TRIP6: variants seen among roughly 807,000 people sequenced by gnomAD.
TRIP6 encodes thyroid receptor-interacting protein 6.
In TRIP6, 33 loss-of-function variants were observed where a neutral mutation model predicts 51.9. The ratio of observed to expected loss-of-function variants is 0.64; its 90% CI spans 0.48 to 0.85. The LOEUF (loss-of-function observed/expected upper bound fraction) is 0.85, where lower values mean the gene tolerates loss of function less well. Among genes scored for constraint, TRIP6 ranks in the 40% least tolerant of loss-of-function variants. The pLI is 0.00. For missense variants in TRIP6, 661 were observed against 652.1 expected, an observed-to-expected ratio of 1.01 and a Z score of -0.15; for synonymous variants, 255 against 275.8, an observed-to-expected ratio of 0.92 and a Z score of 0.75.
Position 100,867,969 on chromosome 7 carries a change from G to C in TRIP6, c.218G>C (p.Gly73Ala). ...GGGCCGGCGTGGGTGGGGTCCCATG[G>C]AGTACTCCAGCACACGCAGGTGAGA... is the stretch of plus-strand genomic sequence containing the variant. ...DRGPAWVGSH[G>A]VLQHTQGLPA... Residue 73 changes from glycine (G) to alanine (A), a missense_variant, in exon 2 of 9, where the codon GGA (glycine) becomes GCA (alanine). Physicochemically the swap from Gly to Ala is moderately conservative, Grantham distance 60 (BLOSUM62 0). Coordinates refer to ENST00000200457, the MANE Select transcript of TRIP6 (RefSeq NM_003302.3). The surrounding 1 kb of genome is among the most constrained non-coding windows in gnomAD (Gnocchi z 5.4). The C allele has an allele frequency of 6.6e-7, 1 of 1,515,100 alleles. No homozygotes were observed. The highest frequency in any genetic ancestry group is 8.8e-7 in the Non-Finnish European group (1 of 1,134,570). The allele number at this position is 1,515,100 out of a possible 1,614,324, so 93.9% of individuals were successfully genotyped here.
chr7:100,868,604 C>A lies in TRIP6; in HGVS notation c.473C>A (p.Thr158Asn). The A allele has an allele frequency of 6.2e-7, 1 of 1,612,962 alleles. No homozygotes were observed. Among genetic ancestry groups the A allele is most frequent in the Non-Finnish European group, 8.5e-7 (1 of 1,179,976 alleles). Residue 158 changes from threonine (T) to asparagine (N), a missense_variant, in exon 4 of 9, where the codon ACT becomes AAT. Coordinates refer to ENST00000200457, the MANE Select transcript of TRIP6 (RefSeq NM_003302.3). ...GGGGGCCCCACTCCAGCCTCTTACA[C>A]TACCGCCAGCACCCCGGCTGGCCCA... Reference protein sequence around the residue: ...PYGGPTPASYTTASTPAGPAF... With the variant: ...PYGGPTPASYNTASTPAGPAF...
intron 8 of TRIP6, 82 bp downstream of exon 8, chr7:100,872,826 G>A: frequency 6.5e-7 from 1 of 1,549,730 alleles, no homozygotes; most frequent in Non-Finnish European, 8.7e-7. Flanking sequence ...AGAGGTCTGG[G>A]GTTGATGGAA....
intron 6 of TRIP6, chr7:100,871,288 G>A: frequency 8.8e-6 from 5 of 565,284 alleles, no homozygotes; most frequent in African/African-American, 5.6e-5. Flanking sequence ...GCCCACTCTG[G>A]CCTCCCAAAG....
rs200347062 is a variant in TRIP6, at chr7:100,868,774, A to C, written c.643A>C (p.Ser215Arg). Residue 215 changes from serine to arginine, a missense_variant, in exon 4 of 9, where the codon AGC becomes CGC. Coordinates refer to ENST00000200457, the MANE Select transcript of TRIP6 (RefSeq NM_003302.3). ...TGAAGTCTGGGGGCCTGGCTATAGG[A>C]GCCAGAGAGAGCCAGGGCCAGGGGC... ...RGEVWGPGYR[S>R]QREPGPGAKE... 1,656 of 1,530,568 alleles carry C rather than the reference A, an allele frequency of 1.1e-3. 17 individuals are homozygous for C. The African/African-American group carries it at 0.022, about 20-fold the overall frequency. 94.8% of individuals were successfully genotyped at this position (1,530,568 alleles called of 1,614,324 possible).
Position 100,872,724 on chromosome 7 carries a change from A to G in TRIP6, c.1279A>G (p.Ile427Val). 6.2e-7 allele frequency: 1 copy of G among 1,614,022 alleles called. No homozygotes were observed. The highest frequency in any genetic ancestry group is 8.5e-7 in the Non-Finnish European group (1 of 1,179,966). The change falls in exon 8 of 9, where the codon ATT (isoleucine) becomes GTT (valine). Residue 427 changes from isoleucine to valine, a missense_variant. Coordinates refer to ENST00000200457, the MANE Select transcript of TRIP6 (RefSeq NM_003302.3). ...TGTTGCTCTGGATCGAAGTTTTCAC[A>G]TTGGCTGTTACAAGTGCGAGGTCAG... ...RIVALDRSFHIGCYKCEECGL... is the reference protein window; with the variant it reads ...RIVALDRSFHVGCYKCEECGL...
At position 100,868,164 on chromosome 7, in the gene TRIP6, C is replaced by T. The variant is rs371528403; in HGVS notation, c.294C>T (p.Asp98=). Reference sequence around the variant, plus strand: ...CTGGAAGCCTGGACGCCGAGATAGACTTGCTGAGCAGCACGCTGGCCGAGC... The same window carrying T: ...CTGGAAGCCTGGACGCCGAGATAGATTTGCTGAGCAGCACGCTGGCCGAGC... The part of the protein sequence containing the change: ...LRPGSLDAEI[D]LLSSTLAELN... Residue 98 remains aspartate (D), a synonymous_variant, in exon 3 of 9, where the codon GAC becomes GAT. Coordinates refer to ENST00000200457, the MANE Select transcript of TRIP6 (RefSeq NM_003302.3). The T allele has an allele frequency of 6.2e-7, 1 of 1,611,296 alleles. No individual in the cohort carries two copies. The highest frequency in any genetic ancestry group is 8.5e-7 in the Non-Finnish European group (1 of 1,179,066).
Position 100,870,376 on chromosome 7 carries a change from C to G in TRIP6, c.742C>G (p.Leu248Val). Reference protein sequence around the residue: ...RGGEHGPQVPLSQPPEDELDR... With the variant: ...RGGEHGPQVPVSQPPEDELDR... ...CCCGATTCCCACCTTCCAGGTGCCC[C>G]TGAGCCAGCCTCCAGAGGATGAGCT... The change falls in exon 5 of 9, where the codon CTG (leucine) becomes GTG (valine). Residue 248 changes from leucine (L) to valine (V), a missense_variant. By Grantham distance (32) the Leu-to-Val change is conservative (BLOSUM62 1). Coordinates refer to ENST00000200457, the MANE Select transcript of TRIP6 (RefSeq NM_003302.3). 1 of 1,612,068 alleles carries G rather than the reference C, an allele frequency of 6.2e-7. No individual in the cohort carries two copies. Among genetic ancestry groups the G allele is most frequent in the Non-Finnish European group, 8.5e-7 (1 of 1,179,908 alleles).
intron 8 of TRIP6, chr7:100,872,971 C>T (rs1815304577): frequency 1.8e-6 from 2 of 1,082,476 alleles, no homozygotes; most frequent in African/African-American, 1.6e-5. Context: ...CTGCCTCAGC[C>T]TCCTGAGTAG....
chr7:100,870,118 AAC>A (rs1488359736), intron 4 of TRIP6, among the ~76,000 whole-genome samples: 2 of 152,166 alleles, frequency 1.3e-5, no homozygotes, highest in African/African-American at 4.8e-5. Flanking sequence ...ACATCCTTCG[AAC>A]ACACAGTTCA....
chr7:100,871,367 C>T (rs532299885), intron 6 of TRIP6, among the ~76,000 whole-genome samples, 176 bp from the exon 7 acceptor site: 2 of 152,110 alleles, frequency 1.3e-5, no homozygotes, highest in Non-Finnish European at 1.5e-5. Context: ...GTTTAAATAC[C>T]GTGTATAGTG....
In TRIP6 at chr7:100,867,957, T is replaced by TG; in HGVS notation, c.210dup (p.Ser71ValfsTer54). 1 of 1,512,144 alleles carries TG rather than the reference T, an allele frequency of 6.6e-7. No individual in the cohort carries two copies. The highest frequency in any genetic ancestry group is 8.8e-7 in the Non-Finnish European group (1 of 1,133,966). 93.7% of individuals were successfully genotyped at this position (1,512,144 alleles called of 1,614,324 possible). ...CCGGAGGATCGGGGGCCGGCGTGGGTGGGGTCCCATGGAGTACTCCAGCAC... is the reference window on the plus strand; with the variant it reads ...CCGGAGGATCGGGGGCCGGCGTGGGTGGGGGTCCCATGGAGTACTCCAGCAC... On this transcript the variant is annotated frameshift_variant, in exon 2 of 9. Coordinates refer to ENST00000200457, the MANE Select transcript of TRIP6 (RefSeq NM_003302.3). LOFTEE classifies it high-confidence loss of function. This position sits in a 1 kb window ranked among gnomAD's most constrained non-coding sequence, Gnocchi z 5.4.
At chr7:100,869,889 T>C (rs1650046027) in intron 4 of TRIP6, among the ~76,000 whole-genome samples, 1 of 151,388 alleles carries the variant, frequency 6.6e-6, no homozygotes, top group Non-Finnish European at 1.5e-5. Flanking sequence ...ATTTCTGTTA[T>C]AATAATAATA....
intron 4 of TRIP6, among the ~76,000 whole-genome samples, chr7:100,869,929 ATATAT>A (rs1457330146): frequency 2.5e-4 from 38 of 151,764 alleles, no homozygotes; most frequent in Non-Finnish European, 5.0e-4. Context: ...TTGTTTCGGT[ATATAT>A]TACAATGTAT....
In TRIP6 at chr7:100,867,487, C is replaced by T. The variant is rs1815163173; in HGVS notation, c.-11C>T. ...TTCAAGACCGCTGTCTGGAGTCCCC[C>T]TTTCCAGGCCATGTCGGGGCCCACC... On this transcript the variant is annotated 5_prime_UTR_variant, in exon 1 of 9. Transcript: ENST00000200457. The surrounding 1 kb of genome is among the most constrained non-coding windows in gnomAD (Gnocchi z 5.4). 3.4e-6 allele frequency: 5 copies of T among 1,461,146 alleles called. No homozygotes were observed. Among genetic ancestry groups the T allele is most frequent in the Non-Finnish European group, 4.5e-6 (5 of 1,106,700 alleles). 90.5% of individuals were successfully genotyped at this position (1,461,146 alleles called of 1,614,324 possible).
At position 100,868,781 on chromosome 7, in the gene TRIP6, G is replaced by A. The variant is rs773670366; in HGVS notation, c.650G>A (p.Arg217Lys). ...TGGGGGCCTGGCTATAGGAGCCAGA[G>A]AGAGCCAGGGCCAGGGGCCAAAGAG... Reference protein sequence around the residue: ...EVWGPGYRSQREPGPGAKEEA... With the variant: ...EVWGPGYRSQKEPGPGAKEEA... The change falls in exon 4 of 9, where the codon AGA becomes AAA. Residue 217 changes from arginine to lysine, a missense_variant. Coordinates refer to ENST00000200457, the MANE Select transcript of TRIP6 (RefSeq NM_003302.3). 6.5e-7 allele frequency: 1 copy of A among 1,530,972 alleles called. No individual in the cohort carries two copies. The highest frequency in any genetic ancestry group is 8.7e-7 in the Non-Finnish European group (1 of 1,143,964). 94.8% of individuals were successfully genotyped at this position (1,530,972 alleles called of 1,614,324 possible).
At chr7:100,869,648 A>G (rs937999153) in intron 4 of TRIP6, among the ~76,000 whole-genome samples, 1 of 149,952 alleles carries the variant, frequency 6.7e-6, no homozygotes, top group African/African-American at 2.4e-5. Flanking sequence ...AAAAAAAAAA[A>G]AAAAAAAAGA....
chr7:100,869,550 T>C (rs1365772763), intron 4 of TRIP6, among the ~76,000 whole-genome samples: 2 of 146,640 alleles, frequency 1.4e-5, no homozygotes, highest in Admixed American at 6.9e-5. Context: ...GAGAATCACT[T>C]GAACCTGGGA....
Position 100,867,419 on chromosome 7 carries a change from A to T in TRIP6, c.-79A>T. On this transcript the variant is annotated 5_prime_UTR_variant, in exon 1 of 9. Coordinates refer to ENST00000200457, the MANE Select transcript of TRIP6 (RefSeq NM_003302.3). This position sits in a 1 kb window ranked among gnomAD's most constrained non-coding sequence, Gnocchi z 5.4. ...GTTTTCTTTTCTGGAGTCCCAAACG[A>T]GGTGCGGGACGGAAGAGGGGGTGAA... 1 of 1,064,314 alleles carries T rather than the reference A, an allele frequency of 9.4e-7. No homozygotes were observed. The allele number at this position is 1,064,314 out of a possible 1,614,324, so 65.9% of individuals were successfully genotyped here. A position where few individuals can be genotyped will look rare whatever the true frequency, so the allele number is the denominator to read the frequency against.
At chr7:100,869,818 AG>A (rs1184372175) in intron 4 of TRIP6, among the ~76,000 whole-genome samples, 2 of 3,206 alleles carry the variant, frequency 6.2e-4, no homozygotes, top group Non-Finnish European at 1.1e-3. Flanking sequence ...GGGGGATGGG[AG>A]GGGGTGGGAG....
Sources: gnomAD v4.1 joint callset for allele counts (sites outside exome capture counted in the v4.1 genomes callset) on GRCh38, gnomAD v4.1.1 for gene constraint, Gnocchi (gnomAD v3.1) non-coding constraint, MANE v1.5 for transcripts, NCBI Gene and HGNC (gene_info 2026-07-23, HGNC 2026-07-21) for gene names.